KDM2A: variants seen among roughly 807,000 people sequenced by gnomAD.
The protein encoded by KDM2A is lysine-specific demethylase 2A.
Under a neutral mutation model 137.3 loss-of-function variants are expected in KDM2A, and 3 were observed. The observed-to-expected ratio is 0.02, with a 90% CI of 0.01 to 0.06. The LOEUF (loss-of-function observed/expected upper bound fraction) is 0.06, where lower values mean the gene tolerates loss of function less well. KDM2A is among the 10% of genes least tolerant of loss of function. The pLI, the probability that KDM2A is intolerant of heterozygous loss-of-function variation, is 1.00. For missense variants in KDM2A, 738 were observed against 1,510.6 expected, an observed-to-expected ratio of 0.49 and a Z score of 8.48; for synonymous variants, 512 against 541.5, an observed-to-expected ratio of 0.95 and a Z score of 0.76.
intron 5 of KDM2A, among the ~76,000 whole-genome samples, chr11:67,198,480 T>C (rs1161426184): frequency 1.3e-5 from 2 of 152,058 alleles, no homozygotes; most frequent in Non-Finnish European, 2.9e-5. Flanking sequence ...CCCAGCACTT[T>C]GGGAGGCCGA....
intron 4 of KDM2A, 68 bp from the exon 5 acceptor site, chr11:67,181,778 G>GA (rs1189243546): frequency 5.5e-5 from 76 of 1,382,164 alleles, no homozygotes; most frequent in Admixed American, 2.7e-4. Context: ...AGTACTTTAA[G>GA]AAAAAAAACT....
rs753509256 is a variant in KDM2A at position 67,252,590 on chromosome 11, C to T, written c.2769-104C>T. On this transcript the variant is annotated intron_variant, in intron 17 of 20. Transcript: ENST00000529006. ...TGATCCCTGTACACTTGTAGAAGAA[C>T]GAGCCTCCAGGTACTCTGCTTTTCC... 6 of 1,258,430 alleles carry T rather than the reference C, an allele frequency of 4.8e-6. No individual in the cohort carries two copies. The Admixed American group carries it at 5.8e-5, about 12-fold the overall frequency. 78.0% of individuals were successfully genotyped at this position (1,258,430 alleles called of 1,614,324 possible).
chr11:67,122,963 C>G (rs954288978), intron 2 of KDM2A, among the ~76,000 whole-genome samples: 19 of 152,014 alleles, frequency 1.2e-4, no homozygotes, highest in African/African-American at 4.6e-4. Flanking sequence ...GTGTGAGCCA[C>G]TGCATCTGGC....
chr11:67,127,040 A>G, intron 2 of KDM2A, among the ~76,000 whole-genome samples: 1 of 152,170 alleles, frequency 6.6e-6, no homozygotes, highest in East Asian at 1.9e-4. Context: ...TGGGAGGGAT[A>G]GAAGCTTCCT....
intron 5 of KDM2A, among the ~76,000 whole-genome samples, chr11:67,201,060 G>T (rs1340689390): frequency 6.6e-6 from 1 of 151,950 alleles, no homozygotes; most frequent in Non-Finnish European, 1.5e-5. Context: ...CGGGCGTGGT[G>T]GCGGGCGCTT....
At chr11:67,230,827 T>C (rs2136424729) in intron 11 of KDM2A, among the ~76,000 whole-genome samples, 1 of 152,326 alleles carries the variant, frequency 6.6e-6, no homozygotes, top group South Asian at 2.1e-4. Context: ...ATCACTGTGT[T>C]TTGACTATCA....
intron 5 of KDM2A, among the ~76,000 whole-genome samples, chr11:67,195,189 G>A (rs1049537997): frequency 2.0e-5 from 3 of 151,856 alleles, no homozygotes; most frequent in African/African-American, 7.3e-5. Context: ...GTTTATCCAT[G>A]ACTTGAGCCA....
chr11:67,256,333 A>AG lies in KDM2A; in HGVS notation c.*1279dup. 1 of 152,532 alleles carries AG rather than the reference A, an allele frequency of 6.6e-6. No homozygotes were observed. The allele number at this position is 152,532 out of a possible 1,614,324, so 9.4% of individuals were successfully genotyped here. ...CCAAAGATCCTCTCTCTAGGGCAGC[A>AG]GAGAGCTTTTTGCACTTTAAAAAAA... On this transcript the variant is annotated 3_prime_UTR_variant, in exon 21 of 21. Coordinates refer to ENST00000529006, the MANE Select transcript of KDM2A (RefSeq NM_012308.3).
At chr11:67,212,327 C>T (rs916331292) in intron 6 of KDM2A, among the ~76,000 whole-genome samples, 5 of 151,952 alleles carry the variant, frequency 3.3e-5, no homozygotes, top group Non-Finnish European at 4.4e-5. Flanking sequence ...AAGTAGGTTC[C>T]GGGAGGTAAG....
chr11:67,122,147 G>A (rs1855611197), intron 2 of KDM2A, among the ~76,000 whole-genome samples: 1 of 152,162 alleles, frequency 6.6e-6, no homozygotes, highest in Admixed American at 6.6e-5. Context: ...TATGAGGAAA[G>A]CGACAGAATT....
chr11:67,123,317 G>T (rs998321891), intron 2 of KDM2A, among the ~76,000 whole-genome samples: 31 of 134,020 alleles, frequency 2.3e-4, no homozygotes, highest in African/African-American at 9.4e-4. Context: ...TGCTAGAAAG[G>T]TTTGGTGTGT....
At chr11:67,131,090 C>T (rs756314411) in intron 2 of KDM2A, among the ~76,000 whole-genome samples, 3 of 152,014 alleles carry the variant, frequency 2.0e-5, no homozygotes, top group African/African-American at 4.8e-5. Context: ...TTTGCAAGGC[C>T]GAGGCGGGCA....
chr11:67,125,656 G>A (rs1468149705), intron 2 of KDM2A, among the ~76,000 whole-genome samples: 1 of 151,764 alleles, frequency 6.6e-6, no homozygotes, highest in Non-Finnish European at 1.5e-5. Flanking sequence ...GTGCGTGCCT[G>A]TAATCCCAGC....
chr11:67,122,648 T>TTTA (rs1855623931), intron 2 of KDM2A, among the ~76,000 whole-genome samples: 1 of 109,708 alleles, frequency 9.1e-6, no homozygotes, highest in Admixed American at 8.2e-5. Flanking sequence ...TTTATTTTTA[T>TTTA]TTATTTATTT....
In KDM2A at chr11:67,250,539, G is replaced by A. The variant is rs2136460950; in HGVS notation, c.2509G>A (p.Val837Met). Residue 837 changes from valine (V) to methionine (M), a missense_variant, in exon 17 of 21, where the codon GTG becomes ATG. Val to Met is a conservative substitution (Grantham distance 21). Transcript: ENST00000529006. This position sits in a 1 kb window ranked among gnomAD's most constrained non-coding sequence, Gnocchi z 7.1. Reference protein sequence around the residue: ...ANLRHSPRVLVQHCPARTPQR... With the variant: ...ANLRHSPRVLMQHCPARTPQR... Reference sequence around the variant, plus strand: ...CCTTCGCCATTCCCCCCGTGTGCTAGTGCAGCACTGCCCAGCCCGAACCCC... The same window carrying A: ...CCTTCGCCATTCCCCCCGTGTGCTAATGCAGCACTGCCCAGCCCGAACCCC... 6.2e-7 allele frequency: 1 copy of A among 1,613,942 alleles called. No homozygotes were observed. Among genetic ancestry groups the A allele is most frequent in the African/African-American group, 1.3e-5 (1 of 75,052 alleles).
chr11:67,133,713 G>GT (rs1307311035), intron 2 of KDM2A, among the ~76,000 whole-genome samples: 199 of 145,410 alleles, frequency 1.4e-3, no homozygotes, highest in East Asian at 0.011. Flanking sequence ...TCCAACTGTG[G>GT]TTTTTTTTTT....
At chr11:67,131,936 C>T (rs1855863128) in intron 2 of KDM2A, 1 of 152,128 alleles carries the variant, frequency 6.6e-6, no homozygotes, top group African/African-American at 2.4e-5. Flanking sequence ...TCCTTGTTTT[C>T]TGTTTTAAAT....
intron 2 of KDM2A, among the ~76,000 whole-genome samples, chr11:67,145,122 T>G (rs1856213526): frequency 6.7e-6 from 1 of 150,266 alleles, no homozygotes; most frequent in Non-Finnish European, 1.5e-5. Flanking sequence ...TCTGCCCAGC[T>G]TGGCCTCCCA....
Position 67,212,442 on chromosome 11 carries a change from A to G in KDM2A, c.487-2898A>G, listed in dbSNP as rs528799331. Among the ~76,000 whole-genome samples, 4 of 152,294 alleles carry G rather than the reference A, an allele frequency of 2.6e-5. No homozygotes were observed. In the South Asian group the frequency reaches 8.3e-4, roughly 32 times the overall value. On this transcript the variant is annotated intron_variant, in intron 6 of 20. Transcript: ENST00000529006. ...CATTCCAGCAATAACTGAGAGGTAGATTTTAAAATGGCACAAATAATACAC... is the reference window on the plus strand; with the variant it reads ...CATTCCAGCAATAACTGAGAGGTAGGTTTTAAAATGGCACAAATAATACAC...
Sources: gnomAD v4.1 joint callset for allele counts (sites outside exome capture counted in the v4.1 genomes callset) on GRCh38, gnomAD v4.1.1 for gene constraint, Gnocchi (gnomAD v3.1) non-coding constraint, MANE v1.5 for transcripts, NCBI Gene and HGNC (gene_info 2026-07-23, HGNC 2026-07-21) for gene names.